The following TNR variants were observed in gnomAD, a reference collection of about 807,000 sequenced individuals.
The protein encoded by TNR is tenascin-R.
Under a neutral mutation model 150.4 loss-of-function variants are expected in TNR, and 45 were observed. That is an observed-to-expected ratio of 0.30 (90% confidence interval 0.24 to 0.38). TNR has a LOEUF of 0.38. Among genes scored for constraint, TNR ranks in the 10% least tolerant of loss-of-function variants. TNR has a pLI of 1.00. For synonymous variants in TNR, 687 were observed against 678.4 expected (o/e 1.01, Z -0.20); for missense variants, 1,544 against 1,759.1 (o/e 0.88, Z 2.19).
chr1:175,650,719 TACCCCTC>T (rs1664936930), intron 1 of TNR, among the ~76,000 whole-genome samples: 1 of 2,492 alleles, frequency 4.0e-4, no homozygotes. Context: ...CCCCTCCCCC[TACCCCTC>T]CCCGCCTCAT....
chr1:175,614,807 T>A (rs901162112), intron 1 of TNR, among the ~76,000 whole-genome samples: 4 of 152,246 alleles, frequency 2.6e-5, no homozygotes, highest in African/African-American at 7.2e-5. Context: ...CATCCTGACC[T>A]GTATGAGCAC....
At chr1:175,644,199 A>G (rs994513252) in intron 1 of TNR, among the ~76,000 whole-genome samples, 2 of 152,180 alleles carry the variant, frequency 1.3e-5, no homozygotes, top group African/African-American at 4.8e-5. Context: ...AATTTATGAA[A>G]ATGTGCATCA....
At chr1:175,592,688 A>G (rs762517095) in intron 1 of TNR, among the ~76,000 whole-genome samples, 26 of 152,222 alleles carry the variant, frequency 1.7e-4, no homozygotes, top group Non-Finnish European at 3.2e-4. Flanking sequence ...TGAGTTACAG[A>G]GGAGGCAACT....
chr1:175,610,366 A>G (rs1663554226), intron 1 of TNR, among the ~76,000 whole-genome samples: 1 of 152,094 alleles, frequency 6.6e-6, no homozygotes, highest in African/African-American at 2.4e-5. Flanking sequence ...CCAGACTCAG[A>G]CTCTCCAAAT....
At chr1:175,561,833 C>T (rs910631227) in intron 1 of TNR, among the ~76,000 whole-genome samples, 1 of 152,148 alleles carries the variant, frequency 6.6e-6, no homozygotes, top group Admixed American at 6.5e-5. Context: ...AGTACACAGT[C>T]CCTTATTCTG....
intron 9 of TNR, among the ~76,000 whole-genome samples, chr1:175,369,398 A>T (rs980985591): frequency 2.0e-4 from 30 of 152,110 alleles, no homozygotes; most frequent in African/African-American, 7.0e-4. Flanking sequence ...CTTGGCTTGT[A>T]GTTGCGTCAC....
chr1:175,429,277 GTA>G (rs1163376739), intron 2 of TNR, among the ~76,000 whole-genome samples: 1 of 152,126 alleles, frequency 6.6e-6, no homozygotes, highest in Non-Finnish European at 1.5e-5. Context: ...AGATATAGAT[GTA>G]TATGTAAATA....
chr1:175,538,364 A>T (rs547731684), intron 1 of TNR, among the ~76,000 whole-genome samples: 10 of 152,362 alleles, frequency 6.6e-5, no homozygotes, highest in African/African-American at 2.4e-4. Context: ...AAAAGGTTGA[A>T]GATATTTTCC....
At chr1:175,570,266 G>C (rs1475367871) in intron 1 of TNR, among the ~76,000 whole-genome samples, 1 of 152,152 alleles carries the variant, frequency 6.6e-6, no homozygotes, top group East Asian at 1.9e-4. Flanking sequence ...TCAGGCCGAG[G>C]GGCAGGGTCA....
At position 175,698,851 on chromosome 1, in the gene TNR, G is replaced by A. The variant is rs529655449; in HGVS notation, c.-165+44375C>T. On this transcript the variant is annotated intron_variant, in intron 1 of 22. Transcript: ENST00000367674. The stretch of plus-strand genomic sequence containing the variant: ...AAAAAAAGGTGGTGCTGGCAGTGAC[G>A]GGAGGCAGAGCCTGTGGGCCTTCTA... 3.9e-5 allele frequency among the ~76,000 whole-genome samples: 6 copies of A among 152,008 alleles called. No homozygotes were observed. The East Asian group carries it at 7.7e-4, about 20-fold the overall frequency.
chr1:175,682,952 T>C (rs921283061), intron 1 of TNR, among the ~76,000 whole-genome samples: 1 of 152,084 alleles, frequency 6.6e-6, no homozygotes, highest in African/African-American at 2.4e-5. Flanking sequence ...GTCCACAAAA[T>C]AGTGGGGCCG....
intron 2 of TNR, among the ~76,000 whole-genome samples, chr1:175,456,384 A>T (rs1656575271): frequency 6.6e-6 from 1 of 152,176 alleles, no homozygotes; most frequent in Non-Finnish European, 1.5e-5. Flanking sequence ...TATGTAATTT[A>T]CTATTTATTT....
chr1:175,450,694 T>C (rs531287377), intron 2 of TNR, among the ~76,000 whole-genome samples: 12 of 152,368 alleles, frequency 7.9e-5, no homozygotes, highest in Non-Finnish European at 4.4e-5. Context: ...GATGAATGAA[T>C]GAATGAAAGC....
intron 2 of TNR, among the ~76,000 whole-genome samples, chr1:175,414,660 G>A (rs1654355688): frequency 6.6e-6 from 1 of 152,168 alleles, no homozygotes; most frequent in African/African-American, 2.4e-5. Flanking sequence ...TTGTTAATGA[G>A]GTGCTCACTC....
intron 2 of TNR, among the ~76,000 whole-genome samples, chr1:175,444,855 G>A (rs1483930980): frequency 6.6e-6 from 1 of 152,182 alleles, no homozygotes; most frequent in African/African-American, 2.4e-5. Flanking sequence ...GAGAGTATGG[G>A]GACAGAGGAA....
At chr1:175,473,095 C>G (rs548749002) in intron 2 of TNR, among the ~76,000 whole-genome samples, 1 of 152,238 alleles carries the variant, frequency 6.6e-6, no homozygotes, top group Admixed American at 6.5e-5. Flanking sequence ...GCATTTAAGC[C>G]CCACTTGCTC....
chr1:175,331,078 C>CTTTCTTTCT (rs57439733), intron 20 of TNR, among the ~76,000 whole-genome samples: 2 of 59,908 alleles, frequency 3.3e-5, no homozygotes, highest in African/African-American at 1.3e-4. Context: ...TCTTTCTTTC[C>CTTTCTTTCT]TTCTTTCTTT....
chr1:175,573,817 G>A (rs1297304353), intron 1 of TNR, among the ~76,000 whole-genome samples: 1 of 152,188 alleles, frequency 6.6e-6, no homozygotes, highest in African/African-American at 2.4e-5. Context: ...GTCCAGAATT[G>A]GAGGCTGTGG....
intron 1 of TNR, among the ~76,000 whole-genome samples, chr1:175,679,774 G>A (rs1301200303): frequency 2.6e-5 from 4 of 152,212 alleles, no homozygotes; most frequent in African/African-American, 7.2e-5. Flanking sequence ...AGGCAGCGTG[G>A]AAGAGGAGAG....
Sources: allele counts gnomAD v4.1 joint callset (sites outside exome capture counted in the v4.1 genomes callset), GRCh38; gene constraint gnomAD v4.1.1; transcripts MANE v1.5; gene names NCBI Gene and HGNC (gene_info 2026-07-23, HGNC 2026-07-21).